The following LRCH2 variants were observed in gnomAD, a reference collection of about 807,000 sequenced individuals.
LRCH2 encodes leucine-rich repeat and calponin homology domain-containing protein 2.
Under a neutral mutation model 68.9 loss-of-function variants are expected in LRCH2, and 38 were observed. That is an observed-to-expected ratio of 0.55 (90% CI 0.43 to 0.72). LRCH2 has a LOEUF of 0.72. LRCH2 is among the 30% of genes least tolerant of loss of function. The pLI, the probability that LRCH2 is intolerant of heterozygous loss-of-function variation, is 0.00. For synonymous variants in LRCH2, 191 were observed against 208.1 expected (o/e 0.92, Z 0.71); for missense variants, 528 against 572.9 (o/e 0.92, Z 0.80).
At chrX:115,197,847 T>TCTCTCTCA (rs782358260) in intron 1 of LRCH2, among the ~76,000 whole-genome samples, 1,386 of 20,504 alleles carry the variant, frequency 0.068, 154 homozygotes, top group Middle Eastern at 0.1. Context: ...TCTCTCTCTC[T>TCTCTCTCA]CACACACACA....
At chrX:115,219,083 C>T (rs1330711573) in intron 1 of LRCH2, among the ~76,000 whole-genome samples, 1 of 111,573 alleles carries the variant, frequency 9.0e-6, no homozygotes, top group Non-Finnish European at 1.9e-5. Flanking sequence ...TAATATAATA[C>T]GAGAAAGGTC....
intron 15 of LRCH2, among the ~76,000 whole-genome samples, chrX:115,128,983 C>T (rs1371627424): frequency 8.9e-6 from 1 of 112,273 alleles, no homozygotes; most frequent in Non-Finnish European, 1.9e-5. Flanking sequence ...AGAGCCACTA[C>T]ACAAACTGTC....
At chrX:115,205,950 TG>T (rs2147348169) in intron 1 of LRCH2, among the ~76,000 whole-genome samples, 1 of 1,203 alleles carries the variant, frequency 8.3e-4, no homozygotes, top group East Asian at 0.059. Flanking sequence ...CAAAAAAAAA[TG>T]CAAAAAAAAA....
At chrX:115,192,034 C>G (rs948774284) in intron 1 of LRCH2, 15 of 1,165,762 alleles carry the variant, frequency 1.3e-5, no homozygotes, top group East Asian at 6.5e-5. Context: ...CGAAGAGTAC[C>G]GAGGCCGCTC....
At chrX:115,120,402 C>CA (rs1556525498) in intron 20 of LRCH2, among the ~76,000 whole-genome samples, 1 of 84,481 alleles carries the variant, frequency 1.2e-5, no homozygotes, top group African/African-American at 4.5e-5. Flanking sequence ...TTTATGCAGC[C>CA]AAAAAACACA....
chrX:115,172,221 C>G (rs2072610094), intron 5 of LRCH2, among the ~76,000 whole-genome samples: 1 of 111,557 alleles, frequency 9.0e-6, no homozygotes, highest in South Asian at 3.8e-4. Flanking sequence ...ACATACTTCT[C>G]TCTTCAGAAG....
chrX:115,150,819 TAAAGAA>T (rs1486726496), intron 12 of LRCH2, among the ~76,000 whole-genome samples: 1 of 110,785 alleles, frequency 9.0e-6, no homozygotes, highest in Non-Finnish European at 1.9e-5. Flanking sequence ...GGTTACCAGT[TAAAGAA>T]AAACATACAA....
chrX:115,157,254 G>A (rs1364777090), intron 11 of LRCH2, among the ~76,000 whole-genome samples: 1 of 110,260 alleles, frequency 9.1e-6, no homozygotes, highest in African/African-American at 3.3e-5. Context: ...CAAAAGTAAT[G>A]AATTACTGTC....
At chrX:115,190,539 T>C (rs1207448089) in intron 1 of LRCH2, 84 of 1,155,513 alleles carry the variant, frequency 7.3e-5, no homozygotes, top group Non-Finnish European at 9.0e-5. Flanking sequence ...CCAAAGCCTA[T>C]AGTGGGGGCC....
At chrX:115,217,443 TG>T (rs2073048855) in intron 1 of LRCH2, among the ~76,000 whole-genome samples, 1 of 111,026 alleles carries the variant, frequency 9.0e-6, no homozygotes, top group Non-Finnish European at 1.9e-5. Flanking sequence ...GTGTTCTCAT[TG>T]TTCAACTCCC....
At position 115,191,108 on chromosome X, in the gene LRCH2, G is replaced by A. The variant is rs182267365; in HGVS notation, c.350-2738C>T. ...GGAGGAGAAGGCCGCTATGAGTACC[G>A]AGGCCGCTCGCATGACGCCCACAGT... On this transcript the variant is annotated intron_variant, in intron 1 of 20. Transcript: ENST00000317135. The A allele has an allele frequency of 2.7e-4, 312 of 1,162,235 alleles. 2 individuals carry two copies. The East Asian group carries it at 5.2e-3, about 20-fold the overall frequency.
chrX:115,189,401 T>C, intron 1 of LRCH2: 1 of 1,139,403 alleles, frequency 8.8e-7, no homozygotes, highest in African/African-American at 1.8e-5. Context: ...TGCCGCGTCA[T>C]CACTTCCCAC....
intron 1 of LRCH2, chrX:115,189,749 G>A: frequency 8.6e-7 from 1 of 1,166,501 alleles, no homozygotes; most frequent in Non-Finnish European, 1.1e-6. Flanking sequence ...GGCAGCGGCA[G>A]TCGCTCAAGG....
intron 3 of LRCH2, among the ~76,000 whole-genome samples, chrX:115,184,059 T>C (rs146955720): frequency 1.4e-3 from 156 of 112,559 alleles, no homozygotes; most frequent in African/African-American, 4.8e-3. Context: ...TTTAAGGATA[T>C]ATCATAGTCC....
At chrX:115,221,416 GGTATATATTTATGA>G (rs2073084848) in intron 1 of LRCH2, among the ~76,000 whole-genome samples, 1 of 107,567 alleles carries the variant, frequency 9.3e-6, no homozygotes, top group South Asian at 4.1e-4. Flanking sequence ...TGAAGAACAG[GGTATATATTTATGA>G]AGTAGTGGAA....
chrX:115,205,701 G>A (rs2072961322), intron 1 of LRCH2, among the ~76,000 whole-genome samples: 1 of 111,704 alleles, frequency 9.0e-6, no homozygotes, highest in South Asian at 3.8e-4. Flanking sequence ...CACTTTGGGA[G>A]GCCGAGGCAG....
At chrX:115,225,957 T>C (rs894798147) in intron 1 of LRCH2, among the ~76,000 whole-genome samples, 3 of 112,124 alleles carry the variant, frequency 2.7e-5, no homozygotes, top group African/African-American at 9.7e-5. Context: ...GGAGGGCACA[T>C]AGATTCATAG....
Position 115,166,261 on chromosome X carries a change from T to C in LRCH2, c.1080A>G (p.Thr360=). 1 of 1,181,996 alleles carries C rather than the reference T, an allele frequency of 8.5e-7. No individual in the cohort carries two copies. ...AGCAATAGAAAATACTCACTTCTGT[T>C]GTGGATAATCGTTTCTCTCCATTAT... ...GSDNGEKRLS[T]TEPSDDDTVS... is the part of the protein sequence containing the mutation. The change falls in exon 7 of 21, where the codon ACA becomes ACG. Residue 360 remains threonine, a synonymous_variant. Coordinates refer to ENST00000317135, the MANE Select transcript of LRCH2 (RefSeq NM_020871.4).
In LRCH2 at chrX:115,234,094, T is replaced by A. The variant is rs1299094689; in HGVS notation, c.-53A>T. 8.8e-7 allele frequency: 1 copy of A among 1,137,528 alleles called. No individual in the cohort carries two copies. The highest frequency in any genetic ancestry group is 3.3e-5 in the East Asian group (1 of 30,162). 93.7% of individuals were successfully genotyped at this position (1,137,528 alleles called of 1,213,427 possible). A position where few individuals can be genotyped will look rare whatever the true frequency, so the allele number is the denominator to read the frequency against. ...CAATACTGTCAGCCTGTGCCGCGAG[T>A]GTAAGGGGTTCTTAGGACGCATGCG... On this transcript the variant is annotated 5_prime_UTR_variant, in exon 1 of 21. Coordinates refer to ENST00000317135, the MANE Select transcript of LRCH2 (RefSeq NM_020871.4).
Sources: allele counts gnomAD v4.1 joint callset (sites outside exome capture counted in the v4.1 genomes callset), GRCh38; gene constraint gnomAD v4.1.1; transcripts MANE v1.5; gene names NCBI Gene and HGNC (gene_info 2026-07-23, HGNC 2026-07-21).